The following FER variants were observed in gnomAD, a reference collection of about 807,000 sequenced individuals.
FER encodes the protein FER tyrosine kinase.
Under a neutral mutation model 111.0 loss-of-function variants are expected in FER, and 63 were observed. That is an observed-to-expected ratio of 0.57 (90% CI 0.46 to 0.70). FER has a LOEUF of 0.70. Among genes scored for constraint, FER ranks in the 30% least tolerant of loss-of-function variants. FER has a pLI of 0.00. For synonymous variants in FER, 327 were observed against 313.9 expected (o/e 1.04, Z -0.44); for missense variants, 914 against 954.0 (o/e 0.96, Z 0.55).
chr5:108,923,001 G>T (rs1318516992), intron 10 of FER, among the ~76,000 whole-genome samples: 1 of 151,998 alleles, frequency 6.6e-6, no homozygotes, highest in Admixed American at 6.6e-5. Context: ...GCTATTTTTT[G>T]GCTATATAAC....
chr5:109,062,763 C>T (rs953743022), intron 16 of FER, among the ~76,000 whole-genome samples: 2 of 152,072 alleles, frequency 1.3e-5, no homozygotes, highest in Non-Finnish European at 2.9e-5. Context: ...CTTTTTCTTT[C>T]CCTAGGGATT....
chr5:108,789,496 A>C (rs1755111008), intron 2 of FER, among the ~76,000 whole-genome samples: 1 of 152,100 alleles, frequency 6.6e-6, no homozygotes, highest in Non-Finnish European at 1.5e-5. Context: ...CATTTCTAAG[A>C]AATTTTCTGG....
intron 1 of FER, among the ~76,000 whole-genome samples, chr5:108,755,092 G>C (rs1276779369): frequency 6.6e-6 from 1 of 152,184 alleles, no homozygotes; most frequent in African/African-American, 2.4e-5. Flanking sequence ...AATCCGGTAA[G>C]GAGGACTCGA....
chr5:109,120,245 A>T (rs28759518), intron 17 of FER, among the ~76,000 whole-genome samples: 58,339 of 151,868 alleles, frequency 0.38, 11,433 homozygotes, highest in African/African-American at 0.43. Flanking sequence ...AAGTCTTAGA[A>T]TTAAGTCTTT....
intron 17 of FER, among the ~76,000 whole-genome samples, chr5:109,137,739 A>C (rs1753054810): frequency 6.6e-6 from 1 of 152,192 alleles, no homozygotes; most frequent in Non-Finnish European, 1.5e-5. Flanking sequence ...TAAATGATGG[A>C]TACCTTTTTG....
At chr5:108,993,375 A>C (rs913276638) in intron 13 of FER, among the ~76,000 whole-genome samples, 3 of 152,170 alleles carry the variant, frequency 2.0e-5, no homozygotes, top group Admixed American at 6.5e-5. Context: ...CGTCTCCACC[A>C]AAAAAATACG....
intron 3 of FER, among the ~76,000 whole-genome samples, chr5:108,810,699 C>T (rs981375785): frequency 1.3e-5 from 2 of 152,120 alleles, no homozygotes; most frequent in African/African-American, 4.8e-5. Context: ...AGTAGGTGCT[C>T]CCAGTGGAGA....
intron 17 of FER, among the ~76,000 whole-genome samples, chr5:109,114,742 C>T (rs191985252): frequency 5.4e-4 from 82 of 152,068 alleles, no homozygotes; most frequent in African/African-American, 1.8e-3. Flanking sequence ...TTTTACAGAC[C>T]CATACTCCAA....
intron 17 of FER, among the ~76,000 whole-genome samples, chr5:109,160,283 C>T (rs1048077495): frequency 6.6e-6 from 1 of 152,088 alleles, no homozygotes; most frequent in Non-Finnish European, 1.5e-5. Flanking sequence ...ATGAATCAAA[C>T]GACAGGGATG....
chr5:108,944,812 G>A (rs1756754471), intron 10 of FER, among the ~76,000 whole-genome samples: 1 of 125,210 alleles, frequency 8.0e-6, no homozygotes, highest in African/African-American at 3.0e-5. Context: ...TTGATAATAT[G>A]TTTTTAGGCC....
At chr5:109,152,115 C>T (rs1479720799) in intron 17 of FER, among the ~76,000 whole-genome samples, 1 of 151,988 alleles carries the variant, frequency 6.6e-6, no homozygotes, top group Non-Finnish European at 1.5e-5. Flanking sequence ...TGATTTGGTA[C>T]ATATATATGA....
chr5:108,853,700 G>T (rs1762738127), intron 5 of FER, among the ~76,000 whole-genome samples: 1 of 152,208 alleles, frequency 6.6e-6, no homozygotes, highest in Non-Finnish European at 1.5e-5. Flanking sequence ...ATGGAGGTAT[G>T]AGATGAGGTC....
chr5:109,115,517 T>A (rs1294603055), intron 17 of FER, among the ~76,000 whole-genome samples: 1 of 152,192 alleles, frequency 6.6e-6, no homozygotes, highest in South Asian at 2.1e-4. Flanking sequence ...AGGAGAATTT[T>A]TATGTTCGTT....
intron 15 of FER, among the ~76,000 whole-genome samples, chr5:109,046,815 A>T (rs1272518505): frequency 6.6e-6 from 1 of 152,156 alleles, no homozygotes; most frequent in Non-Finnish European, 1.5e-5. Context: ...TAAAGTATAT[A>T]AGAGGGTGCG....
At chr5:108,992,699 G>A (rs548177715) in intron 13 of FER, among the ~76,000 whole-genome samples, 280 of 151,788 alleles carry the variant, frequency 1.8e-3, no homozygotes, top group African/African-American at 6.5e-3. Flanking sequence ...CCTCCCTCCC[G>A]GATGGGGTGG....
intron 9 of FER, among the ~76,000 whole-genome samples, chr5:108,889,647 A>T (rs937737870): frequency 2.6e-5 from 4 of 151,958 alleles, no homozygotes; most frequent in Admixed American, 2.6e-4. Flanking sequence ...TGTACATTTT[A>T]AAATAACTAA....
intron 17 of FER, among the ~76,000 whole-genome samples, chr5:109,121,122 CA>C (rs1750913475): frequency 6.6e-6 from 1 of 151,952 alleles, no homozygotes; most frequent in South Asian, 2.1e-4. Flanking sequence ...CTAGGAATTC[CA>C]TACTATGTTG....
rs775662846 is a variant in FER at position 108,798,421 on chromosome 5, A to T, written c.207+32A>T. ...AGAATAATTTCACTCTTTGTTATTT[A>T]TAACATTATAATTGTCCTTAAAATG... is the stretch of plus-strand genomic sequence containing the variant. On this transcript the variant is annotated intron_variant, in intron 3 of 19. Transcript: ENST00000281092. 7 of 1,523,664 alleles carry T rather than the reference A, an allele frequency of 4.6e-6. No homozygotes were observed. In the Admixed American group the frequency reaches 1.0e-4, roughly 22 times the overall value. The allele number at this position is 1,523,664 out of a possible 1,614,324, so 94.4% of individuals were successfully genotyped here.
At chr5:109,171,356 C>T (rs1344891233) in intron 17 of FER, among the ~76,000 whole-genome samples, 7 of 152,094 alleles carry the variant, frequency 4.6e-5, no homozygotes, top group Non-Finnish European at 2.9e-5. Flanking sequence ...TCTGTTAATC[C>T]CTAGTCCAGA....
Sources: gnomAD v4.1 joint callset for allele counts (sites outside exome capture counted in the v4.1 genomes callset) on GRCh38, gnomAD v4.1.1 for gene constraint, MANE v1.5 for transcripts, NCBI Gene and HGNC (gene_info 2026-07-23, HGNC 2026-07-21) for gene names.